STKLD1: variants seen among roughly 807,000 people sequenced by gnomAD.
The protein encoded by STKLD1 is serine/threonine kinase-like domain-containing protein STKLD1.
Under a neutral mutation model 80.4 loss-of-function variants are expected in STKLD1, and 79 were observed. That is an observed-to-expected ratio of 0.98 (90% CI 0.82 to 1.19). The LOEUF is 1.19. Ranked by LOEUF, STKLD1 falls within the 50% of genes most tolerant of loss-of-function variation. STKLD1 has a pLI of 0.00. For missense variants in STKLD1, 841 were observed against 856.0 expected, an observed-to-expected ratio of 0.98 and a Z score of 0.22; for synonymous variants, 393 against 357.6, an observed-to-expected ratio of 1.10 and a Z score of -1.12.
rs2130271509 is a variant in STKLD1, at chr9:133,383,912, G to A, written c.219+12G>A. On this transcript the variant is annotated intron_variant, in intron 3 of 17. Coordinates refer to ENST00000371957, the MANE Select transcript of STKLD1 (RefSeq NM_153710.5). ...AGGCCCTGGAGGAGGTAACTCTCAGGGTAGTTTTCCCTCTGGAAGAGCTCA... is the reference window on the plus strand; with the variant it reads ...AGGCCCTGGAGGAGGTAACTCTCAGAGTAGTTTTCCCTCTGGAAGAGCTCA... 1.2e-6 allele frequency: 2 copies of A among 1,613,642 alleles called. No individual in the cohort carries two copies. The highest frequency in any genetic ancestry group is 1.7e-6 in the Non-Finnish European group (2 of 1,179,808).
chr9:133,393,245 T>C (rs1460049945), intron 7 of STKLD1, among the ~76,000 whole-genome samples: 1 of 107,366 alleles, frequency 9.3e-6, no homozygotes, highest in Non-Finnish European at 1.9e-5. Flanking sequence ...GATGGATGAA[T>C]GGGAGGGTAG....
rs1554778210 is a variant in STKLD1 at position 133,404,035 on chromosome 9, G to A, written c.1719G>A (p.Leu573=). Residue 573 remains leucine (L), a synonymous_variant, in exon 16 of 18, where the codon CTG becomes CTA. Transcript: ENST00000371957. ...VNNAYRGLAS[L]VKVSELAAFK... Reference sequence around the variant, plus strand: ...ATGCCTACCGGGGACTGGCCAGCCTGGTGAAGGTGTCAGGTGAGCCTGGGG... The same window carrying A: ...ATGCCTACCGGGGACTGGCCAGCCTAGTGAAGGTGTCAGGTGAGCCTGGGG... 6.8e-6 allele frequency: 11 copies of A among 1,605,858 alleles called. No homozygotes were observed. The highest frequency in any genetic ancestry group is 5.1e-5 in the Admixed American group (3 of 59,162).
At position 133,390,814 on chromosome 9, in the gene STKLD1, A is replaced by G. The variant is rs57981115; in HGVS notation, c.583+18A>G. 6.3e-7 allele frequency: 1 copy of G among 1,598,254 alleles called. No homozygotes were observed. The highest frequency in any genetic ancestry group is 8.6e-7 in the Non-Finnish European group (1 of 1,167,972). On this transcript the variant is annotated intron_variant, in intron 7 of 17. Coordinates refer to ENST00000371957, the MANE Select transcript of STKLD1 (RefSeq NM_153710.5). The surrounding 1 kb of genome is among the most constrained non-coding windows in gnomAD (Gnocchi z 5.1). Reference sequence around the variant, plus strand: ...GGAGGAAGGTGGCAGGGGCTCCCCCAGGTTGTGGGAGAGGGGGTTGGCGCC... The same window carrying G: ...GGAGGAAGGTGGCAGGGGCTCCCCCGGGTTGTGGGAGAGGGGGTTGGCGCC...
chr9:133,385,521 C>A lies in STKLD1; in HGVS notation c.220-96C>A. On this transcript the variant is annotated intron_variant, in intron 3 of 17. Transcript: ENST00000371957. This position sits in a 1 kb window ranked among gnomAD's most constrained non-coding sequence, Gnocchi z 4.9. ...CCCTGGCCCAGCTCAGAGCCCGAGGCTTGCATGTTTGTTGGGATGTGTGAC... is the reference window on the plus strand; with the variant it reads ...CCCTGGCCCAGCTCAGAGCCCGAGGATTGCATGTTTGTTGGGATGTGTGAC... 1 of 1,292,248 alleles carries A rather than the reference C, an allele frequency of 7.7e-7. No homozygotes were observed. The highest frequency in any genetic ancestry group is 1.1e-6 in the Non-Finnish European group (1 of 902,670). The allele number at this position is 1,292,248 out of a possible 1,614,324, so 80.0% of individuals were successfully genotyped here.
At chr9:133,387,643 C>T in intron 5 of STKLD1, 95 bp downstream of exon 5, 1 of 930,340 alleles carries the variant, frequency 1.1e-6, no homozygotes, top group African/African-American at 1.6e-5. Context: ...GGGCAGGCAC[C>T]ATGGAGTCCA....
chr9:133,389,889 C>A lies in STKLD1; in HGVS notation c.467+293C>A, dbSNP rs1838345749. 6.6e-6 allele frequency among the ~76,000 whole-genome samples: 1 copy of A among 152,200 alleles called. No homozygotes were observed. The highest frequency in any genetic ancestry group is 1.9e-4 in the East Asian group (1 of 5,192). On this transcript the variant is annotated intron_variant, in intron 6 of 17. Coordinates refer to ENST00000371957, the MANE Select transcript of STKLD1 (RefSeq NM_153710.5). This position sits in a 1 kb window ranked among gnomAD's most constrained non-coding sequence, Gnocchi z 6.4. ...GCAAAAGCCCTGCCAAGAAGAGAGA[C>A]CGGGTTGCCTGCCGTGGGGCCAGTG...
rs41302673 is a variant in STKLD1, at chr9:133,405,414, T to G, written c.2036T>G (p.Leu679Arg). 138,185 of 1,605,314 alleles carry G rather than the reference T, an allele frequency of 0.086. 6,686 individuals are homozygous for G. The highest frequency in any genetic ancestry group is 0.095 in the Non-Finnish European group (111,687 of 1,178,512). ...CTGGGGTGCACCACGTCTGGGGGAC[T>G]GGAATAGATGTTTGTATGGAACTGA... is the stretch of plus-strand genomic sequence containing the variant. ...PQLGCTTSGG[L>R]E The change falls in exon 18 of 18, where the codon CTG (leucine) becomes CGG (arginine). Residue 679 changes from leucine to arginine, a missense_variant. Leu to Arg is a moderately radical substitution (Grantham distance 102). Transcript: ENST00000371957.
At chr9:133,401,615 G>GGCAGACCTCGGTTT in intron 12 of STKLD1, 123 bp from the exon 13 acceptor site, 1 of 1,263,630 alleles carries the variant, frequency 7.9e-7, no homozygotes, top group Non-Finnish European at 1.1e-6. Flanking sequence ...GTCAGAACAA[G>GGCAGACCTCGGTTT]GCAGACCTCG....
At chr9:133,392,645 G>GGATA (rs1838432692) in intron 7 of STKLD1, among the ~76,000 whole-genome samples, 6 of 101,442 alleles carry the variant, frequency 5.9e-5, no homozygotes, top group East Asian at 2.7e-4. Context: ...ATGGATAGGT[G>GGATA]GGTGGGTGAG....
chr9:133,389,225 CAG>C lies in STKLD1; in HGVS notation c.397-300_397-299del. 1 of 985,384 alleles carries C rather than the reference CAG, an allele frequency of 1.0e-6. No homozygotes were observed. The highest frequency in any genetic ancestry group is 4.7e-5 in the South Asian group (1 of 21,286). 61.0% of individuals were successfully genotyped at this position (985,384 alleles called of 1,614,324 possible). A position where few individuals can be genotyped will look rare whatever the true frequency, so the allele number is the denominator to read the frequency against. On this transcript the variant is annotated intron_variant, in intron 5 of 17. Coordinates refer to ENST00000371957, the MANE Select transcript of STKLD1 (RefSeq NM_153710.5). The surrounding 1 kb of genome is among the most constrained non-coding windows in gnomAD (Gnocchi z 6.4). ...CCTTCAGCTCCCAGCAAGTGTGGGG[CAG>C]CGCGGGCCACAGAGTAGGGTGCAGG...
intron 2 of STKLD1, among the ~76,000 whole-genome samples, chr9:133,383,258 T>TGGTGACGGTGGAGGTCA (rs1838184053): frequency 6.2e-5 from 1 of 16,216 alleles, no homozygotes; most frequent in Non-Finnish European, 1.3e-4. Context: ...GGTGGTGGTG[T>TGGTGACGGTGGAGGTCA]TGGAGTGATG....
At position 133,390,877 on chromosome 9, in the gene STKLD1, G is replaced by A. The variant is rs1421451201; in HGVS notation, c.583+81G>A. On this transcript the variant is annotated intron_variant, in intron 7 of 17. Coordinates refer to ENST00000371957, the MANE Select transcript of STKLD1 (RefSeq NM_153710.5). This position sits in a 1 kb window ranked among gnomAD's most constrained non-coding sequence, Gnocchi z 5.1. ...GGCGTTGGCCACTCTGGGTGCTGGA[G>A]TGAGGCAACATCAAACAGCTGTTTG... 1.9e-6 allele frequency: 2 copies of A among 1,037,108 alleles called. No individual in the cohort carries two copies. The highest frequency in any genetic ancestry group is 3.0e-6 in the Non-Finnish European group (2 of 661,474). The allele number at this position is 1,037,108 out of a possible 1,614,324, so 64.2% of individuals were successfully genotyped here.
At position 133,385,724 on chromosome 9, in the gene STKLD1, G is replaced by A. The variant is rs2130275412; in HGVS notation, c.294+33G>A. On this transcript the variant is annotated intron_variant, in intron 4 of 17. Coordinates refer to ENST00000371957, the MANE Select transcript of STKLD1 (RefSeq NM_153710.5). This position sits in a 1 kb window ranked among gnomAD's most constrained non-coding sequence, Gnocchi z 4.9. Reference sequence around the variant, plus strand: ...AGAGCTGACACCTACGGGCTCAGCCGCCACGCAGTGGGCTGCAGGACCAAG... The same window carrying A: ...AGAGCTGACACCTACGGGCTCAGCCACCACGCAGTGGGCTGCAGGACCAAG... 1.7e-5 allele frequency: 27 copies of A among 1,595,248 alleles called. No homozygotes were observed. Among genetic ancestry groups the A allele is most frequent in the Admixed American group, 8.3e-5 (5 of 59,894 alleles).
At chr9:133,391,663 C>G (rs1166099891) in intron 7 of STKLD1, among the ~76,000 whole-genome samples, 1 of 151,876 alleles carries the variant, frequency 6.6e-6, no homozygotes, top group African/African-American at 2.4e-5. Context: ...TGCTTGAAGG[C>G]AGCATGCTCG....
chr9:133,376,473 C>T lies in STKLD1; in HGVS notation c.-1C>T. 4 of 1,585,720 alleles carry T rather than the reference C, an allele frequency of 2.5e-6. No individual in the cohort carries two copies. Among genetic ancestry groups the T allele is most frequent in the Non-Finnish European group, 3.4e-6 (4 of 1,168,530 alleles). The stretch of plus-strand genomic sequence containing the variant: ...TCGCCCGTACGCGGTCGCTACTGAT[C>T]ATGCTTGGGCCAGGGTCCAATCGCA... On this transcript the variant is annotated 5_prime_UTR_variant, in exon 1 of 18. Coordinates refer to ENST00000371957, the MANE Select transcript of STKLD1 (RefSeq NM_153710.5).
intron 1 of STKLD1, among the ~76,000 whole-genome samples, chr9:133,378,804 G>T (rs1044755810): frequency 6.6e-6 from 1 of 151,948 alleles, no homozygotes; most frequent in African/African-American, 2.4e-5. Context: ...AGGGATACAG[G>T]GTTGTAGAAG....
At chr9:133,404,702 G>A in intron 16 of STKLD1, 87 bp from the exon 17 acceptor site, 1 of 1,528,518 alleles carries the variant, frequency 6.5e-7, no homozygotes. Flanking sequence ...CCCTGTGTGA[G>A]CTCTGGGGTC....
intron 9 of STKLD1, chr9:133,395,971 AGC>A (rs1838552232): frequency 4.0e-6 from 2 of 496,484 alleles, no homozygotes; most frequent in Non-Finnish European, 7.1e-6. Flanking sequence ...CGGTGGAGTG[AGC>A]AGACTGACCC....
intron 9 of STKLD1, among the ~76,000 whole-genome samples, chr9:133,396,363 A>C (rs1554776743): frequency 6.6e-6 from 1 of 152,104 alleles, no homozygotes. Flanking sequence ...CGAGCCCGGG[A>C]GGCAGAGGTT....
Sources: allele counts gnomAD v4.1 joint callset (sites outside exome capture counted in the v4.1 genomes callset), GRCh38; gene constraint gnomAD v4.1.1; non-coding constraint Gnocchi (gnomAD v3.1); transcripts MANE v1.5; gene names NCBI Gene and HGNC (gene_info 2026-07-23, HGNC 2026-07-21).